The following VEGFC variants were observed in gnomAD, a reference collection of about 807,000 sequenced individuals.
VEGFC encodes the protein FLT4 ligand DHM.
In VEGFC, 12 loss-of-function variants were observed where a neutral mutation model predicts 46.1. The observed-to-expected ratio is 0.26, with a 90% CI of 0.17 to 0.42. The LOEUF (loss-of-function observed/expected upper bound fraction) is 0.42. Ranked by LOEUF, VEGFC falls within the 10% of genes least tolerant of loss-of-function variation. The pLI is 1.00. For synonymous variants in VEGFC, 232 were observed against 195.5 expected (o/e 1.19, Z -1.56); for missense variants, 488 against 529.4 (o/e 0.92, Z 0.77).
intron 1 of VEGFC, among the ~76,000 whole-genome samples, chr4:176,772,942 T>A (rs897413903): frequency 1.2e-4 from 18 of 152,210 alleles, no homozygotes; most frequent in African/African-American, 4.3e-4. Flanking sequence ...CAGACCACGA[T>A]ACCTACCCAA....
At chr4:176,776,409 G>A (rs1735814098) in intron 1 of VEGFC, among the ~76,000 whole-genome samples, 1 of 152,096 alleles carries the variant, frequency 6.6e-6, no homozygotes, top group African/African-American at 2.4e-5. Flanking sequence ...TTTTAAACTG[G>A]GTACATGTGA....
In VEGFC at chr4:176,693,663, G is replaced by C. The variant is rs922337961; in HGVS notation, c.705-5736C>G. ...TACTCCTCGAGAAGAGCAACTCCAA[G>C]ACACATAACTGTCAGATTCACCAAA... On this transcript the variant is annotated intron_variant, in intron 4 of 6. Transcript: ENST00000618562. 8.4e-4 allele frequency among the ~76,000 whole-genome samples: 123 copies of C among 146,676 alleles called. 4 individuals are homozygous for C. Among genetic ancestry groups the C allele is most frequent in the Non-Finnish European group, 3.0e-5 (2 of 67,738 alleles).
Position 176,688,124 on chromosome 4 carries a change from C to CT in VEGFC, c.705-198dup, listed in dbSNP as rs1298946482. On this transcript the variant is annotated intron_variant, in intron 4 of 6. Coordinates refer to ENST00000618562, the MANE Select transcript of VEGFC (RefSeq NM_005429.5). ...AAAATTCCAATCCCAGAGGTGATCA[C>CT]TGTTTGTGGTATGGTCTTAGAGGAC... Among the ~76,000 whole-genome samples, 3 of 152,190 alleles carry CT rather than the reference C, an allele frequency of 2.0e-5. No individual in the cohort carries two copies. In the East Asian group the frequency reaches 5.8e-4, roughly 29 times the overall value.
At chr4:176,690,395 GTTTT>G (rs1734134728) in intron 4 of VEGFC, among the ~76,000 whole-genome samples, 1 of 148,744 alleles carries the variant, frequency 6.7e-6, no homozygotes, top group Admixed American at 6.7e-5. Context: ...TTGCATATAT[GTTTT>G]TTCACATTTT....
At chr4:176,747,009 CTG>C (rs1221424157) in intron 1 of VEGFC, among the ~76,000 whole-genome samples, 1 of 152,116 alleles carries the variant, frequency 6.6e-6, no homozygotes, top group Non-Finnish European at 1.5e-5. Context: ...CATCACTTGA[CTG>C]TGCGTCTGCC....
At chr4:176,718,309 T>A (rs150692756) in intron 3 of VEGFC, among the ~76,000 whole-genome samples, 39 of 152,222 alleles carry the variant, frequency 2.6e-4, no homozygotes, top group African/African-American at 8.9e-4. Flanking sequence ...TGTAATAAAT[T>A]AATCTTCCAG....
intron 3 of VEGFC, among the ~76,000 whole-genome samples, chr4:176,720,950 A>G (rs566102633): frequency 9.8e-4 from 146 of 149,114 alleles, no homozygotes; most frequent in African/African-American, 3.6e-3. Flanking sequence ...GTGGAAGCAC[A>G]TAACAGAATG....
chr4:176,751,367 C>T (rs926774583), intron 1 of VEGFC, among the ~76,000 whole-genome samples: 6 of 151,886 alleles, frequency 4.0e-5, no homozygotes, highest in African/African-American at 1.4e-4. Context: ...TATTTTCATA[C>T]AAATAAATTT....
At chr4:176,789,915 C>T (rs1045787811) in intron 1 of VEGFC, among the ~76,000 whole-genome samples, 2 of 152,116 alleles carry the variant, frequency 1.3e-5, no homozygotes, top group Non-Finnish European at 2.9e-5. Context: ...GTTATGAAAA[C>T]ATTGCATCTA....
At chr4:176,690,321 C>A (rs1734131280) in intron 4 of VEGFC, among the ~76,000 whole-genome samples, 1 of 141,054 alleles carries the variant, frequency 7.1e-6, no homozygotes. Flanking sequence ...GTATCATCAG[C>A]AAGTTTCTTT....
In VEGFC at chr4:176,792,349, G is replaced by C; in HGVS notation, c.-38C>G. The C allele has an allele frequency of 7.0e-7, 1 of 1,424,448 alleles. No homozygotes were observed. The highest frequency in any genetic ancestry group is 9.2e-7 in the Non-Finnish European group (1 of 1,090,448). 88.2% of individuals were successfully genotyped at this position (1,424,448 alleles called of 1,614,324 possible). On this transcript the variant is annotated 5_prime_UTR_variant, in exon 1 of 7. Transcript: ENST00000618562. The surrounding 1 kb of genome is among the most constrained non-coding windows in gnomAD (Gnocchi z 6.3). ...GGGGGTGGGGGACCGGTCCGCTGGCGGGGGCAGGGGTGGGGGCGCGGGCGC... is the reference window on the plus strand; with the variant it reads ...GGGGGTGGGGGACCGGTCCGCTGGCCGGGGCAGGGGTGGGGGCGCGGGCGC...
chr4:176,766,521 T>C (rs1735624743), intron 1 of VEGFC, among the ~76,000 whole-genome samples: 1 of 150,444 alleles, frequency 6.6e-6, no homozygotes, highest in Admixed American at 6.6e-5. Flanking sequence ...TGAGAGATTG[T>C]GGCTGTGGTG....
At chr4:176,694,404 G>A (rs1201927237) in intron 4 of VEGFC, among the ~76,000 whole-genome samples, 8 of 152,244 alleles carry the variant, frequency 5.3e-5, no homozygotes, top group Non-Finnish European at 1.0e-4. Flanking sequence ...TAATCGTAAA[G>A]GGATCAATTC....
At chr4:176,784,477 G>A (rs1229440981) in intron 1 of VEGFC, among the ~76,000 whole-genome samples, 1 of 151,904 alleles carries the variant, frequency 6.6e-6, no homozygotes, top group Non-Finnish European at 1.5e-5. Context: ...GCTGGGCGTG[G>A]TGGTTCACAC....
intron 4 of VEGFC, among the ~76,000 whole-genome samples, chr4:176,695,550 A>G (rs914565650): frequency 6.6e-6 from 1 of 151,530 alleles, no homozygotes; most frequent in Non-Finnish European, 1.5e-5. Flanking sequence ...TACCAGAGGT[A>G]CAAGGAGGAA....
chr4:176,727,857 G>T lies in VEGFC; in HGVS notation c.473C>A (p.Ser158Tyr). ...GCAGCAACCCCCACATCTGTAGACG[G>T]ACACACATGGAGGTTTAAAGAAGGT... The part of the protein sequence containing the change: ...TNTFFKPPCV[S>Y]VYRCGGCCNS... The change falls in exon 3 of 7, where the codon TCC becomes TAC. Residue 158 changes from serine (S) to tyrosine (Y), a missense_variant. Physicochemically the swap from Ser to Tyr is moderately radical, Grantham distance 144 (BLOSUM62 -2). Transcript: ENST00000618562. 6.2e-7 allele frequency: 1 copy of T among 1,613,864 alleles called. No homozygotes were observed. The highest frequency in any genetic ancestry group is 8.5e-7 in the Non-Finnish European group (1 of 1,179,916).
chr4:176,785,775 G>C (rs1029655670), intron 1 of VEGFC, among the ~76,000 whole-genome samples: 6 of 152,102 alleles, frequency 3.9e-5, no homozygotes, highest in African/African-American at 1.4e-4. Context: ...GAAAGAACAC[G>C]TAAGTCACAC....
intron 4 of VEGFC, among the ~76,000 whole-genome samples, chr4:176,698,306 A>G (rs1000067401): frequency 1.3e-5 from 2 of 151,882 alleles, no homozygotes; most frequent in African/African-American, 4.8e-5. Context: ...ACATTTAAGG[A>G]ACTAAAACAT....
intron 4 of VEGFC, among the ~76,000 whole-genome samples, chr4:176,705,640 T>C (rs957161892): frequency 2.0e-5 from 3 of 152,220 alleles, no homozygotes; most frequent in African/African-American, 7.2e-5. Flanking sequence ...GTAAAAATAG[T>C]AGCGATCATT....
Sources: gnomAD v4.1 joint callset for allele counts (sites outside exome capture counted in the v4.1 genomes callset) on GRCh38, gnomAD v4.1.1 for gene constraint, Gnocchi (gnomAD v3.1) non-coding constraint, MANE v1.5 for transcripts, NCBI Gene and HGNC (gene_info 2026-07-23, HGNC 2026-07-21) for gene names.